Variants in CASD1 observed in about 807,000 individuals in gnomAD.
The protein encoded by CASD1 is CAS1 domain sialic acid O acetyltransferase 1.
CASD1 carries 41 observed loss-of-function variants against 100.0 expected under a neutral mutation model. The observed-to-expected ratio is 0.41, with a 90% CI of 0.32 to 0.53. The LOEUF is 0.53. Ranked by LOEUF, CASD1 falls within the 20% of genes least tolerant of loss-of-function variation. The pLI, the probability that CASD1 is intolerant of heterozygous loss-of-function variation, is 0.25. For synonymous variants in CASD1, 321 were observed against 315.6 expected, an observed-to-expected ratio of 1.02 and a Z score of -0.18; for missense variants, 774 against 948.7, an observed-to-expected ratio of 0.82 and a Z score of 2.42.
chr7:94,546,966 G>A, intron 12 of CASD1, 130 bp from the exon 13 acceptor site: 1 of 519,920 alleles, frequency 1.9e-6, no homozygotes, highest in Non-Finnish European at 3.2e-6. Flanking sequence ...GATATATTTT[G>A]TGTATTCTTG....
rs927914792 is a variant in CASD1 at position 94,551,321 on chromosome 7, C to G, written c.1816-17C>G. ...AAAGTAACTGTTTAAAACAAATTTT[C>G]TCTCTTTACTTTTCAGGTAGTTTTC... On this transcript the variant is annotated splice_polypyrimidine_tract_variant and intron_variant, in intron 14 of 17. Coordinates refer to ENST00000297273, the MANE Select transcript of CASD1 (RefSeq NM_022900.5). The G allele has an allele frequency of 1.0e-5, 16 of 1,525,130 alleles. No individual in the cohort carries two copies. Among genetic ancestry groups the G allele is most frequent in the Admixed American group, 5.0e-5 (2 of 39,968 alleles). 94.5% of individuals were successfully genotyped at this position (1,525,130 alleles called of 1,614,324 possible). A position where few individuals can be genotyped will look rare whatever the true frequency, so the allele number is the denominator to read the frequency against.
At chr7:94,587,148 C>T in the CASD1 span, 1 of 984,242 alleles carries the variant, frequency 1.0e-6, no homozygotes, top group Non-Finnish European at 1.2e-6. Flanking sequence ...CCTAGGAAAA[C>T]TCTTTGGCTC....
At chr7:94,620,237 A>G in the CASD1 span, 1 of 152,034 alleles carries the variant, frequency 6.6e-6, no homozygotes, top group Non-Finnish European at 1.5e-5. Context: ...GATGAAGTCA[A>G]AGAAGAAACT....
the CASD1 span, among the ~76,000 whole-genome samples, chr7:94,572,856 A>G: frequency 1.3e-5 from 2 of 151,890 alleles, no homozygotes; most frequent in Non-Finnish European, 2.9e-5. Flanking sequence ...GGGTTTTTAT[A>G]ATTTGGGGTT....
In CASD1 at chr7:94,509,963, G is replaced by T; in HGVS notation, c.-122G>T. On this transcript the variant is annotated 5_prime_UTR_variant, in exon 1 of 18. Transcript: ENST00000297273. ...TCAGGTTCCCCGGCGGGAGGCGCAGGTGGCGGCCTGGGGAGCTGGCGGCCG... is the reference window on the plus strand; with the variant it reads ...TCAGGTTCCCCGGCGGGAGGCGCAGTTGGCGGCCTGGGGAGCTGGCGGCCG... The T allele has an allele frequency of 8.2e-7, 1 of 1,213,674 alleles. No homozygotes were observed. The highest frequency in any genetic ancestry group is 1.0e-6 in the Non-Finnish European group (1 of 968,008). 75.2% of individuals were successfully genotyped at this position (1,213,674 alleles called of 1,614,324 possible). A position where few individuals can be genotyped will look rare whatever the true frequency, so the allele number is the denominator to read the frequency against.
At chr7:94,612,590 T>G in the CASD1 span, among the ~76,000 whole-genome samples, 2 of 152,196 alleles carry the variant, frequency 1.3e-5, no homozygotes, top group Non-Finnish European at 2.9e-5. Flanking sequence ...TTTTTGAAGT[T>G]ATAAATAATA....
At chr7:94,593,495 TATA>T in the CASD1 span, among the ~76,000 whole-genome samples, 1 of 151,988 alleles carries the variant, frequency 6.6e-6, no homozygotes, top group Non-Finnish European at 1.5e-5. Flanking sequence ...ACAAATTTAA[TATA>T]ATAATAAATT....
the CASD1 span, chr7:94,587,186 T>G: frequency 3.0e-6 from 3 of 985,302 alleles, no homozygotes; most frequent in African/African-American, 3.5e-5. Flanking sequence ...TAAATTGTCC[T>G]TGTATTTGGA....
downstream of CASD1, among the ~76,000 whole-genome samples, chr7:94,557,831 T>C (rs188971277): frequency 2.6e-5 from 4 of 152,162 alleles, no homozygotes; most frequent in African/African-American, 9.6e-5. Flanking sequence ...TCTTAATTAG[T>C]CTTAAAAGGT....
chr7:94,537,727 C>T lies in CASD1; in HGVS notation c.1099C>T (p.Leu367Phe). The T allele has an allele frequency of 1.9e-6, 3 of 1,613,618 alleles. No homozygotes were observed. The highest frequency in any genetic ancestry group is 2.5e-6 in the Non-Finnish European group (3 of 1,179,790). The change falls in exon 9 of 18, where the codon CTT becomes TTT. Residue 367 changes from leucine (L) to phenylalanine (F), a missense_variant. Around this residue, in one of 5 missense-constraint regions of CASD1, gnomAD observed 453 missense variants for 532.6 expected, o/e 0.85. Coordinates refer to ENST00000297273, the MANE Select transcript of CASD1 (RefSeq NM_022900.5). ...TACCCCTGTGTCTTCATTAGAAATACTTTTACAATCTTTCTGCAAACTTGG... is the reference window on the plus strand; with the variant it reads ...TACCCCTGTGTCTTCATTAGAAATATTTTTACAATCTTTCTGCAAACTTGG... ...INTPVSSLEI[L>F]LQSFCKLGLI...
chr7:94,606,362 G>C, the CASD1 span, among the ~76,000 whole-genome samples: 2 of 152,168 alleles, frequency 1.3e-5, no homozygotes, highest in South Asian at 4.1e-4. Context: ...TCACAGCAAG[G>C]AAACTTATCA....
the CASD1 span, chr7:94,597,230 T>A: frequency 4.6e-5 from 7 of 152,134 alleles, no homozygotes; most frequent in African/African-American, 1.7e-4. Flanking sequence ...ACCCATTTCT[T>A]AAATTACCCA....
chr7:94,593,611 G>C, the CASD1 span, among the ~76,000 whole-genome samples: 1 of 151,876 alleles, frequency 6.6e-6, no homozygotes, highest in Admixed American at 6.6e-5. Flanking sequence ...AGCTGTTCCA[G>C]GCACTGTTTT....
the CASD1 span, chr7:94,587,142 G>T: frequency 2.0e-6 from 2 of 983,732 alleles, no homozygotes; most frequent in Non-Finnish European, 2.4e-6. Flanking sequence ...AAATCCCCTA[G>T]GAAAACTCTT....
chr7:94,629,693 CT>C, the CASD1 span: 21 of 1,607,750 alleles, frequency 1.3e-5, no homozygotes, highest in African/African-American at 1.5e-4. Context: ...ACGTTAACTG[CT>C]TTTTTTTCCT....
the CASD1 span, among the ~76,000 whole-genome samples, chr7:94,570,834 G>C: frequency 6.6e-6 from 1 of 152,098 alleles, no homozygotes; most frequent in East Asian, 1.9e-4. Flanking sequence ...TAAAAGTGGA[G>C]ATATAAAGCA....
the CASD1 span, chr7:94,585,504 G>C: frequency 1.2e-6 from 2 of 1,604,952 alleles, no homozygotes; most frequent in Non-Finnish European, 1.7e-6. Context: ...TTTCTTCAGG[G>C]ATACCATTTA....
At chr7:94,599,654 G>A in the CASD1 span, 3 of 1,556,744 alleles carry the variant, frequency 1.9e-6, no homozygotes, top group South Asian at 2.2e-5. Flanking sequence ...ACTGAGAGGT[G>A]GGAAAAAATG....
At chr7:94,563,856 A>C in the CASD1 span, among the ~76,000 whole-genome samples, 54 of 152,254 alleles carry the variant, frequency 3.5e-4, 1 homozygote, top group Admixed American at 3.5e-3. Context: ...TTTGATGGAC[A>C]TGTCTTGTCA....
Sources: gnomAD v4.1 joint callset for allele counts (sites outside exome capture counted in the v4.1 genomes callset) on GRCh38, gnomAD v4.1.1 for gene constraint, gnomAD v4.1.1 regional missense constraint, MANE v1.5 for transcripts, NCBI Gene and HGNC (gene_info 2026-07-23, HGNC 2026-07-21) for gene names.